The following PKP2 variants were observed in gnomAD, a reference collection of about 807,000 sequenced individuals.
The protein encoded by PKP2 is plakophilin 2, also known as plakophilin-2.
A neutral mutation model predicts 83.4 loss-of-function variants in PKP2; 73 were observed. That is an observed-to-expected ratio of 0.88 (90% CI 0.72 to 1.06). The LOEUF is 1.06. Among genes scored for constraint, PKP2 ranks in the 50% least tolerant of loss-of-function variants. The pLI is 0.00. For missense variants in PKP2, 966 were observed against 1,065.4 expected, an observed-to-expected ratio of 0.91 and a Z score of 1.30; for synonymous variants, 409 against 430.4, an observed-to-expected ratio of 0.95 and a Z score of 0.62.
chr12:32,792,606 T>C (rs752217386), intron 12 of PKP2, 38 bp downstream of exon 12: 1 of 1,580,036 alleles, frequency 6.3e-7, no homozygotes, highest in Non-Finnish European at 8.7e-7. Context: ...ATTACCTGGC[T>C]CTGTTAACTA....
chr12:32,889,385 T>G (rs565913430), intron 1 of PKP2, among the ~76,000 whole-genome samples: 1 of 152,350 alleles, frequency 6.6e-6, no homozygotes, highest in South Asian at 2.1e-4. Context: ...AAGTTCACTC[T>G]AGCAGCTGTG....
rs186590921 is a variant in PKP2, at chr12:32,892,504, C to T, written c.223+4005G>A. Among the ~76,000 whole-genome samples, 6 of 151,964 alleles carry T rather than the reference C, an allele frequency of 3.9e-5. No individual in the cohort carries two copies. In the East Asian group the frequency reaches 9.7e-4, roughly 25 times the overall value. Reference sequence around the variant, plus strand: ...ATTTGTTTTTTATTTTTAGTAGACACAGGGTTTCACCATGTTGGCCAGGCT... The same window carrying T: ...ATTTGTTTTTTATTTTTAGTAGACATAGGGTTTCACCATGTTGGCCAGGCT... On this transcript the variant is annotated intron_variant, in intron 1 of 12. Transcript: ENST00000340811.
rs959986383 is a variant in PKP2, at chr12:32,892,825, G to A, written c.223+3684C>T. ...AGATACCTGGGGTGGGGGCGGGGGG[G>A]GGGGGAGAACTGTGTAGCAAGTAGT... On this transcript the variant is annotated intron_variant, in intron 1 of 12. Transcript: ENST00000340811. Among the ~76,000 whole-genome samples, 37 of 94,102 alleles carry A rather than the reference G, an allele frequency of 3.9e-4. 7 individuals are homozygous for A. Among genetic ancestry groups the A allele is most frequent in the African/African-American group, 1.0e-3 (34 of 32,728 alleles). The allele number at this position is 94,102 out of a possible 152,430, so 61.7% of individuals were successfully genotyped here.
At chr12:32,843,445 T>C (rs1224031157) in intron 5 of PKP2, 1 of 606,240 alleles carries the variant, frequency 1.6e-6, no homozygotes, top group Non-Finnish European at 2.9e-6. Context: ...TAGTTAAAGC[T>C]TGGTAATTAC....
chr12:32,793,785 T>TG (rs1383784890), intron 11 of PKP2, among the ~76,000 whole-genome samples: 1 of 151,868 alleles, frequency 6.6e-6, no homozygotes, highest in Non-Finnish European at 1.5e-5. Context: ...TTAGTAGAGA[T>TG]GGGGTTTCAC....
chr12:32,815,526 T>C (rs1956312675), intron 9 of PKP2, among the ~76,000 whole-genome samples: 1 of 152,218 alleles, frequency 6.6e-6, no homozygotes, highest in Non-Finnish European at 1.5e-5. Flanking sequence ...GTACAAATAA[T>C]ATGCTATCAA....
intron 9 of PKP2, among the ~76,000 whole-genome samples, chr12:32,807,087 G>A (rs552934554): frequency 2.0e-5 from 3 of 152,076 alleles, no homozygotes; most frequent in East Asian, 1.9e-4. Context: ...TTATGATTTC[G>A]GTTCTTTTGC....
At chr12:32,881,836 A>C (rs1386974385) in intron 1 of PKP2, among the ~76,000 whole-genome samples, 5 of 152,096 alleles carry the variant, frequency 3.3e-5, no homozygotes, top group Non-Finnish European at 5.9e-5. Flanking sequence ...GCTCGCGCCT[A>C]GGCTAACCCT....
chr12:32,809,709 C>T (rs993816082), intron 9 of PKP2, among the ~76,000 whole-genome samples: 2 of 152,132 alleles, frequency 1.3e-5, no homozygotes, highest in African/African-American at 4.8e-5. Context: ...GCCCTGGTAG[C>T]GTGGGCTCAT....
intron 9 of PKP2, among the ~76,000 whole-genome samples, chr12:32,808,253 C>T (rs1956244389): frequency 6.6e-6 from 1 of 152,030 alleles, no homozygotes. Flanking sequence ...TTCTTGTCTG[C>T]CTGTCTTATT....
In PKP2 at chr12:32,896,631, G is replaced by C. The variant is rs1957128054; in HGVS notation, c.101C>G (p.Ser34Cys). Reference protein sequence around the residue: ...QLDSSSLALPSEAKLKLAGSS... With the variant: ...QLDSSSLALPCEAKLKLAGSS... ...CCCCGCCAGCTTCAGCTTGGCCTCG[G>C]AGGGCAGCGCCAGGCTGGAGCTGTC... is the stretch of plus-strand genomic sequence containing the variant. Residue 34 changes from serine (S) to cysteine (C), a missense_variant, in exon 1 of 13, where the codon TCC becomes TGC. Transcript: ENST00000340811. 19 of 1,579,772 alleles carry C rather than the reference G, an allele frequency of 1.2e-5. No individual in the cohort carries two copies. The highest frequency in any genetic ancestry group is 1.6e-5 in the Non-Finnish European group (19 of 1,172,286).
chr12:32,881,074 C>T (rs934686710), intron 1 of PKP2, among the ~76,000 whole-genome samples: 2 of 152,130 alleles, frequency 1.3e-5, no homozygotes, highest in African/African-American at 4.8e-5. Flanking sequence ...TTTCAAAATA[C>T]TGATGATACA....
At chr12:32,823,410 A>T (rs1956401910) in intron 7 of PKP2, among the ~76,000 whole-genome samples, 1 of 133,776 alleles carries the variant, frequency 7.5e-6, no homozygotes, top group African/African-American at 2.8e-5. Context: ...TGATGAAGCT[A>T]GACTCTGCCT....
intron 5 of PKP2, among the ~76,000 whole-genome samples, chr12:32,849,691 A>T (rs944583235): frequency 6.6e-6 from 1 of 152,152 alleles, no homozygotes; most frequent in Admixed American, 6.5e-5. Flanking sequence ...TATTACTAAC[A>T]CTGCTGTTTT....
intron 9 of PKP2, among the ~76,000 whole-genome samples, chr12:32,809,011 T>A (rs1956251856): frequency 6.6e-6 from 1 of 152,142 alleles, no homozygotes; most frequent in Non-Finnish European, 1.5e-5. Flanking sequence ...GGAACAGAAT[T>A]AGGGACCCGC....
chr12:32,826,740 A>T (rs953807909), intron 6 of PKP2, among the ~76,000 whole-genome samples: 1 of 152,204 alleles, frequency 6.6e-6, no homozygotes, highest in African/African-American at 2.4e-5. Flanking sequence ...CTACTTTGTG[A>T]GCCCTTTAAG....
At chr12:32,800,306 A>T (rs190563224) in intron 10 of PKP2, among the ~76,000 whole-genome samples, 4 of 152,320 alleles carry the variant, frequency 2.6e-5, no homozygotes, top group Non-Finnish European at 5.9e-5. Flanking sequence ...GAAGCCAATT[A>T]TCTTACTTAT....
rs372263407 is a variant in PKP2 at position 32,792,458 on chromosome 12, C to T, written c.2480G>A (p.Arg827Gln). ...AAGGGAGTGGTAGGCTTTGGCAGTC[C>T]GGCTGTTGACAAAATCTGTCTTCTT... ...QFKKTDFVNSRTAKAYHSLKD is the reference protein window; with the variant it reads ...QFKKTDFVNSQTAKAYHSLKD The change falls in exon 13 of 13, where the codon CGG becomes CAG. Residue 827 changes from arginine (R) to glutamine (Q), a missense_variant. Arg to Gln is a conservative substitution (Grantham distance 43). Transcript: ENST00000340811. 4.0e-5 allele frequency: 65 copies of T among 1,613,768 alleles called. 1 individual carries two copies. Among genetic ancestry groups the T allele is most frequent in the South Asian group, 2.4e-4 (22 of 91,052 alleles).
At chr12:32,876,812 G>A (rs1592762607) in intron 3 of PKP2, among the ~76,000 whole-genome samples, 1 of 152,208 alleles carries the variant, frequency 6.6e-6, no homozygotes, top group African/African-American at 2.4e-5. Flanking sequence ...TTACAGGCCT[G>A]GGCCACTGCT....
Sources: gnomAD v4.1 joint callset for allele counts (sites outside exome capture counted in the v4.1 genomes callset) on GRCh38, gnomAD v4.1.1 for gene constraint, MANE v1.5 for transcripts, NCBI Gene and HGNC (gene_info 2026-07-23, HGNC 2026-07-21) for gene names.